MYH1: variants seen among roughly 807,000 people sequenced by gnomAD.
MYH1 encodes myosin-1.
Under a neutral mutation model 225.6 loss-of-function variants are expected in MYH1, and 214 were observed. The observed-to-expected ratio is 0.95, with a 90% CI of 0.85 to 1.06. The LOEUF (loss-of-function observed/expected upper bound fraction) is 1.06, where lower values mean the gene tolerates loss of function less well. MYH1 is among the 50% of genes least tolerant of loss of function. The probability of loss-of-function intolerance (pLI) is 0.00; values close to 1 mark genes in which losing one functional copy is unlikely to be tolerated. For missense variants in MYH1, 2,098 were observed against 2,344.2 expected (o/e 0.89, Z 2.17); for synonymous variants, 774 against 842.3 (o/e 0.92, Z 1.40).
chr17:10,505,746 T>C, intron 19 of MYH1, 66 bp downstream of exon 19: 1 of 1,593,182 alleles, frequency 6.3e-7, no homozygotes, highest in Non-Finnish European at 8.6e-7. Flanking sequence ...AAAGGATTCT[T>C]TCATTGAAAA....
intron 18 of MYH1, 25 bp from the exon 19 acceptor site, chr17:10,505,954 T>C (rs2073107637): frequency 6.2e-7 from 1 of 1,614,060 alleles, no homozygotes; most frequent in African/African-American, 1.3e-5. Flanking sequence ...CCACATGCCA[T>C]ACTTCGTGGT....
At position 10,502,786 on chromosome 17, in the gene MYH1, G is replaced by C. The variant is rs1338698589; in HGVS notation, c.3063C>G (p.Val1021=). The change falls in exon 24 of 40, where the codon GTC becomes GTG. Residue 1021 remains valine (V), a synonymous_variant. Transcript: ENST00000226207. The part of the protein sequence containing the change: ...LDDLQAEEDK[V]NTLTKAKIKL... ...TGATTTTAGCTTTGGTCAGGGTGTT[G>C]ACTTTGTCCTCCTCTGCCTGCAGGT... The C allele has an allele frequency of 9.9e-6, 16 of 1,614,104 alleles. No individual in the cohort carries two copies. Among genetic ancestry groups the C allele is most frequent in the Non-Finnish European group, 1.4e-5 (16 of 1,180,016 alleles).
chr17:10,516,495 C>A lies in MYH1; in HGVS notation c.148G>T (p.Ala50Ser). ...VVDPKESFVKATVQSREGGKV... is the reference protein window; with the variant it reads ...VVDPKESFVKSTVQSREGGKV... ...CCCCCTTCCCTGCTCTGCACTGTTGCTTTCACAAAGGACTCCTTAGGGTCC... is the reference window on the plus strand; with the variant it reads ...CCCCCTTCCCTGCTCTGCACTGTTGATTTCACAAAGGACTCCTTAGGGTCC... The change falls in exon 3 of 40, where the codon GCA (alanine) becomes TCA (serine). Residue 50 changes from alanine (A) to serine (S), a missense_variant. Physicochemically the swap from Ala to Ser is moderately conservative, Grantham distance 99. Transcript: ENST00000226207. The A allele has an allele frequency of 6.2e-7, 1 of 1,614,210 alleles. No homozygotes were observed. Among genetic ancestry groups the A allele is most frequent in the Non-Finnish European group, 8.5e-7 (1 of 1,180,044 alleles).
At chr17:10,517,712 A>G (rs1046474653) in intron 2 of MYH1, among the ~76,000 whole-genome samples, 6 of 151,070 alleles carry the variant, frequency 4.0e-5, no homozygotes, top group African/African-American at 7.3e-5. Context: ...ATATATACAT[A>G]TGTGTGTGTG....
intron 35 of MYH1, 144 bp from the exon 36 acceptor site, chr17:10,495,461 G>T: frequency 8.0e-7 from 1 of 1,248,958 alleles, no homozygotes; most frequent in Non-Finnish European, 1.1e-6. Flanking sequence ...GTTGACATAT[G>T]TTTAAAAGAC....
chr17:10,516,728 A>G, intron 2 of MYH1, 46 bp from the exon 3 acceptor site: 8 of 1,512,100 alleles, frequency 5.3e-6, no homozygotes, highest in Non-Finnish European at 7.2e-6. Flanking sequence ...AAACTGGACC[A>G]TTAGATTCAC....
At chr17:10,508,933 C>T (rs1459434661) in intron 15 of MYH1, among the ~76,000 whole-genome samples, 1 of 152,152 alleles carries the variant, frequency 6.6e-6, no homozygotes, top group African/African-American at 2.4e-5. Flanking sequence ...TGTGTCTTTA[C>T]CCCAAAGACC....
intron 2 of MYH1, 78 bp from the exon 3 acceptor site, chr17:10,516,760 T>A (rs2073234385): frequency 3.2e-6 from 4 of 1,251,062 alleles, no homozygotes; most frequent in South Asian, 3.0e-5. Flanking sequence ...TAAAAAAAAA[T>A]TTACTGACCA....
In MYH1 at chr17:10,512,760, G is replaced by T; in HGVS notation, c.929C>A (p.Pro310Gln). The stretch of plus-strand genomic sequence containing the variant: ...TTGACTGACGAAGGCATAATCGTAT[G>T]GGTTGGTGGTGATCAGGAGCATTTC... ...LIEMLLITTN[P>Q]YDYAFVSQGE... Residue 310 changes from proline to glutamine, a missense_variant, in exon 11 of 40, where the codon CCA becomes CAA. Pro to Gln is a moderately conservative substitution (Grantham distance 76, BLOSUM62 -1). Transcript: ENST00000226207. 1 of 1,614,124 alleles carries T rather than the reference G, an allele frequency of 6.2e-7. No homozygotes were observed. The highest frequency in any genetic ancestry group is 1.1e-5 in the South Asian group (1 of 91,072).
At position 10,516,441 on chromosome 17, in the gene MYH1, C is replaced by T. The variant is rs190884510; in HGVS notation, c.202G>A (p.Ala68Thr). The change falls in exon 3 of 40, where the codon GCT becomes ACT. Residue 68 changes from alanine (A) to threonine (T), a missense_variant and splice_region_variant. Physicochemically the swap from Ala to Thr is moderately conservative, Grantham distance 58. Transcript: ENST00000226207. ...CAGCTCCAGGTGTTTTTACTCACAG[C>T]TCCAGCTTCGGTCTTAGCTGTCACC... ...GKVTAKTEAG[A>T]TVTVKDDQVF... 1 of 1,614,220 alleles carries T rather than the reference C, an allele frequency of 6.2e-7. No individual in the cohort carries two copies. Among genetic ancestry groups the T allele is most frequent in the East Asian group, 2.2e-5 (1 of 44,882 alleles).
intron 24 of MYH1, among the ~76,000 whole-genome samples, chr17:10,502,451 C>A (rs936085337): frequency 6.6e-6 from 1 of 152,208 alleles, no homozygotes; most frequent in Non-Finnish European, 1.5e-5. Context: ...TCAAGCCCAG[C>A]GAAAGACCTG....
intron 28 of MYH1, among the ~76,000 whole-genome samples, chr17:10,499,372 A>C (rs946837386): frequency 2.0e-5 from 3 of 152,262 alleles, no homozygotes; most frequent in Admixed American, 2.0e-4. Context: ...GAAACATGAA[A>C]AAAATGTAAA....
At chr17:10,492,679 T>C in intron 39 of MYH1, 111 bp from the exon 40 acceptor site, 1 of 1,231,608 alleles carries the variant, frequency 8.1e-7, no homozygotes. Flanking sequence ...CTAGCAGATA[T>C]TTTAAGAAAC....
chr17:10,493,818 A>G (rs1467897378), intron 39 of MYH1, among the ~76,000 whole-genome samples: 1 of 152,158 alleles, frequency 6.6e-6, no homozygotes, highest in Non-Finnish European at 1.5e-5. Context: ...TACCTCCAAA[A>G]TATGTCCTGA....
At position 10,505,475 on chromosome 17, in the gene MYH1, T is replaced by C. The variant is rs2073102052; in HGVS notation, c.2211A>G (p.Gly737=). The C allele has an allele frequency of 6.2e-7, 1 of 1,614,080 alleles. No individual in the cohort carries two copies. The highest frequency in any genetic ancestry group is 1.7e-5 in the Admixed American group (1 of 60,014). ...AAGCCTTCTTGCTATCGATGAATTGTCCTTCAGGGATAGCACTTGCATTTA... is the reference window on the plus strand; with the variant it reads ...AAGCCTTCTTGCTATCGATGAATTGCCCTTCAGGGATAGCACTTGCATTTA... ...KVLNASAIPE[G]QFIDSKKASE... The change falls in exon 20 of 40, where the codon GGA becomes GGG. Residue 737 remains glycine, a synonymous_variant. Transcript: ENST00000226207.
chr17:10,494,641 T>C lies in MYH1; in HGVS notation c.5499A>G (p.Glu1833=). The C allele has an allele frequency of 6.2e-7, 1 of 1,614,076 alleles. No individual in the cohort carries two copies. Among genetic ancestry groups the C allele is most frequent in the South Asian group, 1.1e-5 (1 of 91,072 alleles). Residue 1833 remains glutamate (E), a synonymous_variant, in exon 38 of 40, where the codon GAA becomes GAG. Coordinates refer to ENST00000226207, the MANE Select transcript of MYH1 (RefSeq NM_005963.4). ...VRELEGEVES[E]QKRNVEAVKG... Reference sequence around the variant, plus strand: ...TGACAGCTTCAACATTGCGCTTCTGTTCACTTTCAACTTCACCTTCAAGTT... The same window carrying C: ...TGACAGCTTCAACATTGCGCTTCTGCTCACTTTCAACTTCACCTTCAAGTT...
At chr17:10,514,749 C>T in intron 6 of MYH1, 119 bp downstream of exon 6, 1 of 861,596 alleles carries the variant, frequency 1.2e-6, no homozygotes, top group South Asian at 1.4e-5. Flanking sequence ...AAACCAATAT[C>T]TAGTTCCAGG....
At position 10,495,944 on chromosome 17, in the gene MYH1, A is replaced by G. The variant is rs761659473; in HGVS notation, c.5169+6T>C. 6.8e-6 allele frequency: 11 copies of G among 1,613,880 alleles called. No individual in the cohort carries two copies. The African/African-American group carries it at 9.3e-5, about 14-fold the overall frequency. ...GTATTTGTTGCTATTCTATTATTAC[A>G]TGCACCTGGGTGTGCAGGAGCTGAA... On this transcript the variant is annotated splice_donor_region_variant and intron_variant, in intron 35 of 39. Coordinates refer to ENST00000226207, the MANE Select transcript of MYH1 (RefSeq NM_005963.4).
chr17:10,503,811 A>T lies in MYH1; in HGVS notation c.2692-563T>A, dbSNP rs528854475. 1.8e-4 allele frequency among the ~76,000 whole-genome samples: 28 copies of T among 152,328 alleles called. No homozygotes were observed. The East Asian group carries it at 5.4e-3, about 29-fold the overall frequency. On this transcript the variant is annotated intron_variant, in intron 22 of 39. Transcript: ENST00000226207. ...ATCCCTGTCCGGGACTTCACCCAAT[A>T]TTTATTAGTGGATAGTTGATAGAAT...
Sources: allele counts gnomAD v4.1 joint callset (sites outside exome capture counted in the v4.1 genomes callset), GRCh38; gene constraint gnomAD v4.1.1; transcripts MANE v1.5; gene names NCBI Gene and HGNC (gene_info 2026-07-23, HGNC 2026-07-21).